ERBB4: variants seen among roughly 807,000 people sequenced by gnomAD.
ERBB4 encodes the protein erb-b2 receptor tyrosine kinase 4, also known as receptor tyrosine-protein kinase erbB-4.
Under a neutral mutation model 158.0 loss-of-function variants are expected in ERBB4, and 42 were observed. The ratio of observed to expected loss-of-function variants is 0.27; its 90% CI spans 0.21 to 0.34. ERBB4 has a LOEUF of 0.34. ERBB4 is among the 10% of genes least tolerant of loss of function. The pLI is 1.00. For synonymous variants in ERBB4, 583 were observed against 558.7 expected (o/e 1.04, Z -0.61); for missense variants, 1,333 against 1,624.1 (o/e 0.82, Z 3.08).
chr2:211,436,837 GAAGA>G (rs1024066761), intron 20 of ERBB4, among the ~76,000 whole-genome samples: 1 of 152,062 alleles, frequency 6.6e-6, no homozygotes, highest in Non-Finnish European at 1.5e-5. Flanking sequence ...TGTCATATAA[GAAGA>G]AAGAAAAATT....
At chr2:212,040,174 G>A (rs907062090) in intron 2 of ERBB4, among the ~76,000 whole-genome samples, 1 of 141,852 alleles carries the variant, frequency 7.0e-6, no homozygotes, top group Non-Finnish European at 1.5e-5. Flanking sequence ...AAAGTTGGAA[G>A]TACCTAGATT....
At chr2:212,503,586 A>C (rs887052281) in intron 1 of ERBB4, among the ~76,000 whole-genome samples, 1 of 152,226 alleles carries the variant, frequency 6.6e-6, no homozygotes, top group Non-Finnish European at 1.5e-5. Context: ...TGATGCATAT[A>C]ATACTTTAAA....
At chr2:211,781,762 C>A (rs368862551) in intron 4 of ERBB4, among the ~76,000 whole-genome samples, 1 of 151,976 alleles carries the variant, frequency 6.6e-6, no homozygotes, top group Admixed American at 6.6e-5. Flanking sequence ...CGTAATAGCC[C>A]TATGAAGTTG....
At chr2:212,197,540 C>T (rs76416365) in intron 1 of ERBB4, among the ~76,000 whole-genome samples, 3,427 of 152,210 alleles carry the variant, frequency 0.023, 105 homozygotes, top group African/African-American at 0.071. Flanking sequence ...TTATTTGGCT[C>T]GTACCATAAA....
At chr2:211,825,537 C>G (rs2077083084) in intron 3 of ERBB4, among the ~76,000 whole-genome samples, 1 of 151,582 alleles carries the variant, frequency 6.6e-6, no homozygotes, top group African/African-American at 2.4e-5. Context: ...TTCTAGACCC[C>G]AGCTGATTAT....
At chr2:211,846,506 A>G (rs1298357638) in intron 3 of ERBB4, among the ~76,000 whole-genome samples, 1 of 152,106 alleles carries the variant, frequency 6.6e-6, no homozygotes, top group Non-Finnish European at 1.5e-5. Context: ...AGAGAGCGCT[A>G]TGAAAAATGA....
chr2:212,304,968 T>C (rs1431611290), intron 1 of ERBB4, among the ~76,000 whole-genome samples: 2 of 151,248 alleles, frequency 1.3e-5, no homozygotes, highest in African/African-American at 4.8e-5. Flanking sequence ...ATATATATAA[T>C]TAGCCAATAA....
At chr2:211,867,269 A>G (rs983818445) in intron 3 of ERBB4, among the ~76,000 whole-genome samples, 1 of 152,166 alleles carries the variant, frequency 6.6e-6, no homozygotes, top group Admixed American at 6.5e-5. Flanking sequence ...GTATAAAAAC[A>G]ACAGTCCAGG....
intron 1 of ERBB4, among the ~76,000 whole-genome samples, chr2:212,402,751 T>C (rs1553633857): frequency 1.3e-5 from 2 of 152,076 alleles, no homozygotes; most frequent in Non-Finnish European, 2.9e-5. Context: ...GGTTTGTAAA[T>C]TAATAAACTC....
intron 2 of ERBB4, among the ~76,000 whole-genome samples, chr2:212,099,644 C>T (rs2079027224): frequency 6.6e-6 from 1 of 152,096 alleles, no homozygotes; most frequent in Non-Finnish European, 1.5e-5. Flanking sequence ...ACAACCTCTA[C>T]CTTATCTGAC....
chr2:211,994,381 C>G (rs138265816), intron 2 of ERBB4, among the ~76,000 whole-genome samples: 2 of 152,314 alleles, frequency 1.3e-5, no homozygotes, highest in East Asian at 1.9e-4. Context: ...TCTCCTCCCC[C>G]ATTGGCCTCC....
At chr2:211,504,658 G>T (rs2065700474) in intron 20 of ERBB4, among the ~76,000 whole-genome samples, 1 of 152,060 alleles carries the variant, frequency 6.6e-6, no homozygotes, top group African/African-American at 2.4e-5. Context: ...GATATGGATT[G>T]CAAGGAAGAC....
intron 1 of ERBB4, among the ~76,000 whole-genome samples, chr2:212,419,849 C>A (rs528053500): frequency 1.3e-5 from 2 of 151,790 alleles, no homozygotes; most frequent in South Asian, 4.1e-4. Flanking sequence ...ATTCTTTAAA[C>A]CTTCTTGCAT....
At chr2:212,503,047 C>T (rs988305225) in intron 1 of ERBB4, among the ~76,000 whole-genome samples, 1 of 152,148 alleles carries the variant, frequency 6.6e-6, no homozygotes, top group African/African-American at 2.4e-5. Flanking sequence ...ACAAAGGCAA[C>T]CTTCCATTCT....
At chr2:212,158,835 C>A (rs2081118403) in intron 1 of ERBB4, among the ~76,000 whole-genome samples, 1 of 151,800 alleles carries the variant, frequency 6.6e-6, no homozygotes, top group Non-Finnish European at 1.5e-5. Context: ...TAAGAAATGC[C>A]TGTCAAAAAG....
chr2:212,300,621 T>G (rs1012305018), intron 1 of ERBB4, among the ~76,000 whole-genome samples: 1 of 150,874 alleles, frequency 6.6e-6, no homozygotes, highest in South Asian at 2.1e-4. Context: ...ATAAGAGGAG[T>G]GGGGTGACGG....
chr2:212,017,223 T>C, intron 2 of ERBB4, among the ~76,000 whole-genome samples: 1 of 152,230 alleles, frequency 6.6e-6, no homozygotes, highest in East Asian at 1.9e-4. Context: ...AATAATTTCT[T>C]GGAAAAATAC....
chr2:212,491,368 C>A (rs1448103243), intron 1 of ERBB4, among the ~76,000 whole-genome samples: 1 of 151,572 alleles, frequency 6.6e-6, no homozygotes, highest in Non-Finnish European at 1.5e-5. Context: ...AACACACGAC[C>A]TTTATAACTC....
intron 2 of ERBB4, among the ~76,000 whole-genome samples, chr2:212,012,933 C>T (rs557004576): frequency 1.8e-4 from 28 of 151,924 alleles, no homozygotes; most frequent in African/African-American, 5.3e-4. Flanking sequence ...TTTGTAGAGA[C>T]GGGGTCTCAC....
Sources: allele counts gnomAD v4.1 joint callset (sites outside exome capture counted in the v4.1 genomes callset), GRCh38; gene constraint gnomAD v4.1.1; transcripts MANE v1.5; gene names NCBI Gene and HGNC (gene_info 2026-07-23, HGNC 2026-07-21).